DNTT: variants seen among roughly 807,000 people sequenced by gnomAD.
DNTT encodes DNA nucleotidylexotransferase, also known as nucleosidetriphosphate:DNA deoxynucleotidylexotransferase.
In DNTT, 47 loss-of-function variants were observed where a neutral mutation model predicts 60.9. That is an observed-to-expected ratio of 0.77 (90% CI 0.61 to 0.98). The LOEUF (loss-of-function observed/expected upper bound fraction) is 0.98. DNTT is among the 50% of genes least tolerant of loss of function. The pLI is 0.00. For missense variants in DNTT, 665 were observed against 627.5 expected (o/e 1.06, Z -0.64); for synonymous variants, 224 against 221.2 (o/e 1.01, Z -0.11).
rs552470376 is a variant in DNTT at position 96,315,282 on chromosome 10, A to T, written c.204-3070A>T. 9.3e-5 allele frequency among the ~76,000 whole-genome samples: 14 copies of T among 151,202 alleles called. No individual in the cohort carries two copies. In the South Asian group the frequency reaches 2.1e-3, roughly 23 times the overall value. Reference sequence around the variant, plus strand: ...AATAAAACTATTTTGGTGATGTCAAATTACAATTAAAGTTTCTAAATGCTG... The same window carrying T: ...AATAAAACTATTTTGGTGATGTCAATTTACAATTAAAGTTTCTAAATGCTG... On this transcript the variant is annotated intron_variant, in intron 1 of 10. Transcript: ENST00000371174.
In DNTT at chr10:96,338,471, A is replaced by C. The variant is rs1394702646; in HGVS notation, c.*247A>C. On this transcript the variant is annotated 3_prime_UTR_variant, in exon 11 of 11. Transcript: ENST00000371174. ...ATTTTTCAAGAGAAATGATGTTGTCACTGGTGGCTCATTCAGGGAAGCTCA... is the reference window on the plus strand; with the variant it reads ...ATTTTTCAAGAGAAATGATGTTGTCCCTGGTGGCTCATTCAGGGAAGCTCA... The C allele has an allele frequency of 3.1e-6, 1 of 321,476 alleles. No homozygotes were observed. Among genetic ancestry groups the C allele is most frequent in the Non-Finnish European group, 5.7e-6 (1 of 175,616 alleles). The allele number at this position is 321,476 out of a possible 1,614,324, so 19.9% of individuals were successfully genotyped here.
chr10:96,334,853 T>C (rs1333623419), intron 9 of DNTT, among the ~76,000 whole-genome samples: 1 of 152,218 alleles, frequency 6.6e-6, no homozygotes, highest in Non-Finnish European at 1.5e-5. Context: ...CTGGCTGAAG[T>C]GGTTGACATT....
chr10:96,328,692 T>C (rs997689870), intron 7 of DNTT, 33 bp from the exon 8 acceptor site: 1 of 1,598,048 alleles, frequency 6.3e-7, no homozygotes, highest in Admixed American at 1.7e-5. Flanking sequence ...AATATCTAAT[T>C]GATTTCCATT....
At chr10:96,305,256 A>G (rs541100388) in intron 1 of DNTT, among the ~76,000 whole-genome samples, 120 of 152,272 alleles carry the variant, frequency 7.9e-4, no homozygotes, top group African/African-American at 2.7e-3. Context: ...GAGAGATGCT[A>G]GGTAAAGATG....
chr10:96,329,850 G>A (rs1213733014), intron 8 of DNTT, among the ~76,000 whole-genome samples: 2 of 152,120 alleles, frequency 1.3e-5, no homozygotes, highest in African/African-American at 2.4e-5. Flanking sequence ...AAATTTGGAC[G>A]GAGCCTTCCT....
chr10:96,336,472 G>T (rs1438853560), intron 10 of DNTT, among the ~76,000 whole-genome samples: 1 of 152,196 alleles, frequency 6.6e-6, no homozygotes, highest in Non-Finnish European at 1.5e-5. Context: ...CACTCATTTG[G>T]TGTGCTAGTC....
intron 8 of DNTT, among the ~76,000 whole-genome samples, chr10:96,329,853 G>A (rs74153638): frequency 0.01 from 1,594 of 152,262 alleles, 31 homozygotes; most frequent in African/African-American, 0.036. Context: ...TTTGGACGGA[G>A]CCTTCCTGTG....
chr10:96,320,856 G>T, intron 4 of DNTT, 68 bp downstream of exon 4: 1 of 1,573,322 alleles, frequency 6.4e-7, no homozygotes, highest in Non-Finnish European at 8.7e-7. Context: ...GAGGGATGTA[G>T]CTAACAGATT....
intron 1 of DNTT, among the ~76,000 whole-genome samples, chr10:96,307,229 T>C (rs1051961457): frequency 6.6e-6 from 1 of 152,170 alleles, no homozygotes; most frequent in African/African-American, 2.4e-5. Context: ...TCAAATGATA[T>C]CAACAAATAG....
intron 8 of DNTT, among the ~76,000 whole-genome samples, chr10:96,330,581 G>GT (rs935068995): frequency 6.6e-6 from 1 of 152,212 alleles, no homozygotes; most frequent in South Asian, 2.1e-4. Context: ...TTCAAATGGT[G>GT]TTTTTTCTTC....
At position 96,338,276 on chromosome 10, in the gene DNTT, G is replaced by T; in HGVS notation, c.*52G>T. On this transcript the variant is annotated 3_prime_UTR_variant, in exon 11 of 11. Coordinates refer to ENST00000371174, the MANE Select transcript of DNTT (RefSeq NM_004088.4). ...ATTCTTTTCAAGTTAAATAAATTAT[G>T]CTTCATATTAGTAAAAGATGCCATA... 8 of 1,534,614 alleles carry T rather than the reference G, an allele frequency of 5.2e-6. No individual in the cohort carries two copies. In the Middle Eastern group the frequency reaches 5.2e-4, roughly 100 times the overall value.
chr10:96,327,830 T>C (rs967655158), intron 7 of DNTT, among the ~76,000 whole-genome samples: 4 of 152,244 alleles, frequency 2.6e-5, no homozygotes, highest in Admixed American at 2.0e-4. Context: ...ATTTTCTGCT[T>C]TGACTGCCAT....
intron 1 of DNTT, 114 bp downstream of exon 1, chr10:96,304,814 G>A (rs1844614984): frequency 8.6e-7 from 1 of 1,162,134 alleles, no homozygotes; most frequent in Non-Finnish European, 1.2e-6. Flanking sequence ...TCTTCCCACT[G>A]GGAGAACAGC....
At chr10:96,327,146 G>C (rs1844946130) in intron 6 of DNTT, among the ~76,000 whole-genome samples, 1 of 152,150 alleles carries the variant, frequency 6.6e-6, no homozygotes, top group Non-Finnish European at 1.5e-5. Context: ...AAAACAGTAG[G>C]ACACAGCCTA....
chr10:96,336,097 C>A (rs1845065949), intron 10 of DNTT, 123 bp downstream of exon 10: 3 of 945,438 alleles, frequency 3.2e-6, no homozygotes, highest in Non-Finnish European at 5.1e-6. Flanking sequence ...TGTTCTATTT[C>A]CAGTTCATCA....
intron 3 of DNTT, 75 bp from the exon 4 acceptor site, chr10:96,320,542 CA>C: frequency 6.5e-7 from 1 of 1,531,744 alleles, no homozygotes; most frequent in East Asian, 2.3e-5. Context: ...TAAAGGAGAG[CA>C]AGAGGCGTTT....
intron 9 of DNTT, among the ~76,000 whole-genome samples, chr10:96,334,071 T>C (rs2154183): frequency 0.73 from 111,083 of 152,134 alleles, 44,164 homozygotes; most frequent in East Asian, 0.92. Context: ...TATCAAAATA[T>C]CATATTATAA....
intron 1 of DNTT, among the ~76,000 whole-genome samples, chr10:96,310,309 A>G (rs114474611): frequency 6.6e-6 from 1 of 152,218 alleles, no homozygotes; most frequent in Non-Finnish European, 1.5e-5. Context: ...GCAATGTTCT[A>G]TTCTACACTT....
intron 9 of DNTT, among the ~76,000 whole-genome samples, chr10:96,335,035 A>C (rs1398454721): frequency 6.6e-6 from 1 of 152,184 alleles, no homozygotes; most frequent in African/African-American, 2.4e-5. Context: ...TGCAAAGTCC[A>C]TCTCCTCAAC....
Sources: gnomAD v4.1 joint callset for allele counts (sites outside exome capture counted in the v4.1 genomes callset) on GRCh38, gnomAD v4.1.1 for gene constraint, MANE v1.5 for transcripts, NCBI Gene and HGNC (gene_info 2026-07-23, HGNC 2026-07-21) for gene names.